Variants in DIDO1 observed in about 807,000 individuals in gnomAD.
DIDO1 encodes death inducer-obliterator 1.
DIDO1 carries 16 observed loss-of-function variants against 99.4 expected under a neutral mutation model. The ratio of observed to expected loss-of-function variants is 0.16; its 90% CI spans 0.11 to 0.24. DIDO1 has a LOEUF of 0.24. Ranked by LOEUF, DIDO1 falls within the 10% of genes least tolerant of loss-of-function variation. DIDO1 has a pLI of 1.00. For missense variants in DIDO1, 2,996 were observed against 3,014.0 expected (o/e 0.99, Z 0.14); for synonymous variants, 1,366 against 1,239.1 (o/e 1.10, Z -2.15).
intron 15 of DIDO1, 200 bp downstream of exon 15, chr20:62,890,760 T>C (rs2064379498): frequency 1.4e-6 from 2 of 1,431,458 alleles, no homozygotes; most frequent in Non-Finnish European, 1.8e-6. Flanking sequence ...TAAGACAATT[T>C]ATGCTGTGAA....
chr20:62,926,180 A>G (rs557545238), intron 1 of DIDO1, among the ~76,000 whole-genome samples: 17 of 151,124 alleles, frequency 1.1e-4, no homozygotes, highest in African/African-American at 3.2e-4. Flanking sequence ...AGTCCCCTCG[A>G]CCTCACGCAG....
Position 62,894,737 on chromosome 20 carries a change from T to C in DIDO1, c.2436+73A>G, listed in dbSNP as rs2064478714. On this transcript the variant is annotated intron_variant, in intron 10 of 15. Transcript: ENST00000395343. The surrounding 1 kb of genome is among the most constrained non-coding windows in gnomAD (Gnocchi z 4.4). Reference sequence around the variant, plus strand: ...TGTAAGCTCAGGTCCTGCCCAATAATTTAAGATAACCTCAAAACATTTGGG... The same window carrying C: ...TGTAAGCTCAGGTCCTGCCCAATAACTTAAGATAACCTCAAAACATTTGGG... The C allele has an allele frequency of 2.0e-6, 3 of 1,517,186 alleles. No homozygotes were observed. The highest frequency in any genetic ancestry group is 1.4e-5 in the African/African-American group (1 of 71,608). The allele number at this position is 1,517,186 out of a possible 1,614,324, so 94.0% of individuals were successfully genotyped here.
intron 15 of DIDO1, 195 bp downstream of exon 15, chr20:62,890,765 T>C: frequency 7.0e-7 from 1 of 1,435,012 alleles, no homozygotes; most frequent in Non-Finnish European, 9.1e-7. Context: ...CAATTTATGC[T>C]GTGAATCAGG....
At chr20:62,922,265 C>T (rs1024829981) in intron 1 of DIDO1, among the ~76,000 whole-genome samples, 10 of 149,016 alleles carry the variant, frequency 6.7e-5, no homozygotes, top group Non-Finnish European at 8.9e-5. Flanking sequence ...CATATATATA[C>T]ACACACACAC....
rs558650369 is a variant in DIDO1 at position 62,916,105 on chromosome 20, T to A, written c.-199-1699A>T. On this transcript the variant is annotated intron_variant, in intron 1 of 15. Transcript: ENST00000395343. ...AAGGCACAAGCAAAAAAACCTGTTC[T>A]AACACAACTTTTTGTGTGTATAATT... Among the ~76,000 whole-genome samples the A allele has an allele frequency of 1.4e-3, 211 of 152,320 alleles. 1 individual carries two copies. Among genetic ancestry groups the A allele is most frequent in the South Asian group, 0.011 (51 of 4,818 alleles).
rs867683536 is a variant in DIDO1 at position 62,935,818 on chromosome 20, G to C, written c.-200+1978C>G. On this transcript the variant is annotated intron_variant, in intron 1 of 15. Transcript: ENST00000266070. ...TCTGCTATGTGAGAGGTAGTGACAG[G>C]ACTTCTGGAGCTCAACAGGAGTTAC... Among the ~76,000 whole-genome samples, 22 of 152,356 alleles carry C rather than the reference G, an allele frequency of 1.4e-4. No homozygotes were observed. In the East Asian group the frequency reaches 4.0e-3, roughly 28 times the overall value.
At chr20:62,931,413 A>G (rs2065331018), upstream of DIDO1, among the ~76,000 whole-genome samples, 1 of 152,216 alleles carries the variant, frequency 6.6e-6, no homozygotes, top group South Asian at 2.1e-4. Context: ...TTAGTTAAGT[A>G]TAGGGCAAAA....
At chr20:62,936,911 T>C (rs887389365) in intron 1 of DIDO1, among the ~76,000 whole-genome samples, 1 of 152,264 alleles carries the variant, frequency 6.6e-6, no homozygotes, top group Admixed American at 6.5e-5. Flanking sequence ...TAGGGTTATG[T>C]AGTTGCAAAT....
intron 1 of DIDO1, among the ~76,000 whole-genome samples, chr20:62,923,196 G>T (rs1461703254): frequency 6.6e-6 from 1 of 150,606 alleles, no homozygotes; most frequent in Admixed American, 6.6e-5. Context: ...TTTTTTTTTT[G>T]AGACAGAGTC....
intron 4 of DIDO1, 37 bp downstream of exon 4, chr20:62,909,662 G>A (rs774881782): frequency 1.3e-5 from 21 of 1,602,268 alleles, no homozygotes; most frequent in Middle Eastern, 3.3e-4. Flanking sequence ...CAGTGAGGCC[G>A]ACTGCTGAAT....
At chr20:62,920,141 A>G (rs2065109250) in intron 1 of DIDO1, among the ~76,000 whole-genome samples, 1 of 152,186 alleles carries the variant, frequency 6.6e-6, no homozygotes, top group Non-Finnish European at 1.5e-5. Context: ...TCTTATCCCC[A>G]TGAAGAAATC....
In DIDO1 at chr20:62,894,695, CAAT is replaced by C. The variant is rs927891410; in HGVS notation, c.2436+112_2436+114del. On this transcript the variant is annotated intron_variant, in intron 10 of 15. Coordinates refer to ENST00000395343, the MANE Select transcript of DIDO1 (RefSeq NM_001193369.2). The surrounding 1 kb of genome is among the most constrained non-coding windows in gnomAD (Gnocchi z 4.4). ...CTAATACAAGGACTGAGGAATGCCA[CAAT>C]GACATACACCTGCTGTAAGCTCAGG... 1.0e-5 allele frequency: 14 copies of C among 1,401,012 alleles called. No homozygotes were observed. The highest frequency in any genetic ancestry group is 2.2e-5 in the Admixed American group (1 of 44,952). 86.8% of individuals were successfully genotyped at this position (1,401,012 alleles called of 1,614,324 possible).
At chr20:62,906,467 AGAGGAAAG>A (rs1481005640) in intron 5 of DIDO1, among the ~76,000 whole-genome samples, 1 of 152,238 alleles carries the variant, frequency 6.6e-6, no homozygotes, top group East Asian at 1.9e-4. Flanking sequence ...GAGCCAAATG[AGAGGAAAG>A]GCCTGCGCGC....
intron 15 of DIDO1, chr20:62,888,710 G>A (rs978458388): frequency 1.4e-5 from 14 of 985,340 alleles, no homozygotes; most frequent in African/African-American, 1.7e-5. Flanking sequence ...ACAAAGCCAG[G>A]ACACACATGT....
chr20:62,931,790 T>C (rs1473691571), intron 1 of DIDO1, among the ~76,000 whole-genome samples: 2 of 152,308 alleles, frequency 1.3e-5, no homozygotes, highest in East Asian at 3.9e-4. Context: ...GGGGTAAGGA[T>C]AGGGCTACAA....
intron 6 of DIDO1, among the ~76,000 whole-genome samples, chr20:62,899,102 C>G (rs140657220): frequency 9.1e-4 from 138 of 152,320 alleles, no homozygotes; most frequent in African/African-American, 3.1e-3. Flanking sequence ...CGGCAGGAGG[C>G]TGACACCAGG....
Position 62,909,952 on chromosome 20 carries a change from C to T in DIDO1, c.908G>A (p.Arg303Gln), listed in dbSNP as rs1418459169. 1 of 1,613,598 alleles carries T rather than the reference C, an allele frequency of 6.2e-7. No individual in the cohort carries two copies. The highest frequency in any genetic ancestry group is 1.3e-5 in the African/African-American group (1 of 74,920). ...CCCATTCCTTTCCAAAAGCCTCCCT[C>T]GAGCCTCAGAAATGCCCACACAATC... ...HGDCVGISEARGRLLERNGED... is the reference protein window; with the variant it reads ...HGDCVGISEAQGRLLERNGED... The change falls in exon 4 of 16, where the codon CGA becomes CAA. Residue 303 changes from arginine (R) to glutamine (Q), a missense_variant. By Grantham distance (43) the Arg-to-Gln change is conservative (BLOSUM62 1). Coordinates refer to ENST00000395343, the MANE Select transcript of DIDO1 (RefSeq NM_001193369.2).
chr20:62,888,388 G>A (rs2064332266), intron 15 of DIDO1: 4 of 985,522 alleles, frequency 4.1e-6, no homozygotes, highest in Non-Finnish European at 4.8e-6. Flanking sequence ...CTCAAGGCTG[G>A]GGCGCCAGGT....
upstream of DIDO1, among the ~76,000 whole-genome samples, chr20:62,929,609 A>T (rs2065304711): frequency 6.6e-6 from 1 of 150,636 alleles, no homozygotes; most frequent in African/African-American, 2.5e-5. Context: ...ATCGCCAGCC[A>T]CTTGGGGCAG....
Sources: gnomAD v4.1 joint callset for allele counts (sites outside exome capture counted in the v4.1 genomes callset) on GRCh38, gnomAD v4.1.1 for gene constraint, Gnocchi (gnomAD v3.1) non-coding constraint, MANE v1.5 for transcripts, NCBI Gene and HGNC (gene_info 2026-07-23, HGNC 2026-07-21) for gene names.